Variants in PDCD6 observed in about 807,000 individuals in gnomAD.
The protein encoded by PDCD6 is programmed cell death protein 6.
In PDCD6, 12 loss-of-function variants were observed where a neutral mutation model predicts 28.3. The observed-to-expected ratio is 0.42, with a 90% confidence interval of 0.27 to 0.69. The LOEUF is 0.69. PDCD6 is among the 30% of genes least tolerant of loss of function. PDCD6 has a pLI of 0.22. For synonymous variants in PDCD6, 92 were observed against 108.0 expected, an observed-to-expected ratio of 0.85 and a Z score of 0.92; for missense variants, 226 against 269.9, an observed-to-expected ratio of 0.84 and a Z score of 1.14.
At chr5:283,165 C>A (rs56298907) in intron 2 of PDCD6, among the ~76,000 whole-genome samples, 19,644 of 149,274 alleles carry the variant, frequency 0.13, 1,346 homozygotes, top group Admixed American at 0.17. Context: ...CTTGTAGCTA[C>A]AGACCCATAG....
Position 306,593 on chromosome 5 carries a change from C to G in PDCD6, c.209-9C>G, listed in dbSNP as rs367898994. ...TCTTTTGCTGCTTGACCGTTCCTCTCTGTCTCAGCCATGTTTGACCGTGAG... is the reference window on the plus strand; with the variant it reads ...TCTTTTGCTGCTTGACCGTTCCTCTGTGTCTCAGCCATGTTTGACCGTGAG... On this transcript the variant is annotated splice_polypyrimidine_tract_variant and intron_variant, in intron 3 of 5. Transcript: ENST00000264933. The G allele has an allele frequency of 1.2e-6, 2 of 1,612,088 alleles. No homozygotes were observed. The highest frequency in any genetic ancestry group is 1.3e-5 in the African/African-American group (1 of 74,920).
At chr5:277,188 C>A (rs1295274264) in intron 2 of PDCD6, among the ~76,000 whole-genome samples, 2 of 152,132 alleles carry the variant, frequency 1.3e-5, no homozygotes, top group Non-Finnish European at 2.9e-5. Flanking sequence ...TGCAGTGGCA[C>A]GCTCTTGGCT....
rs1740450573 is a variant in PDCD6 at position 305,921 on chromosome 5, T to G, written c.209-681T>G. 1 of 153,174 alleles carries G rather than the reference T, an allele frequency of 6.5e-6. No individual in the cohort carries two copies. Among genetic ancestry groups the G allele is most frequent in the Non-Finnish European group, 1.5e-5 (1 of 68,698 alleles). The allele number at this position is 153,174 out of a possible 1,614,324, so 9.5% of individuals were successfully genotyped here. On this transcript the variant is annotated intron_variant, in intron 3 of 5. Coordinates refer to ENST00000264933, the MANE Select transcript of PDCD6 (RefSeq NM_013232.4). The surrounding 1 kb of genome is among the most constrained non-coding windows in gnomAD (Gnocchi z 4.0). Reference sequence around the variant, plus strand: ...GAGTAGTCTTATTGCAGTCCTGTATTAACCTCTGTTCTTGAAAAGAGACCA... The same window carrying G: ...GAGTAGTCTTATTGCAGTCCTGTATGAACCTCTGTTCTTGAAAAGAGACCA...
intron 2 of PDCD6, among the ~76,000 whole-genome samples, chr5:298,644 C>G (rs1400401189): frequency 2.5e-5 from 2 of 79,832 alleles, no homozygotes; most frequent in Non-Finnish European, 6.3e-5. Context: ...GCTGCTCCCC[C>G]CAGCTGCTCC....
intron 2 of PDCD6, among the ~76,000 whole-genome samples, chr5:282,162 T>C (rs2126698363): frequency 7.0e-6 from 1 of 143,802 alleles, no homozygotes; most frequent in East Asian, 2.2e-4. Flanking sequence ...GATTGAGGGT[T>C]CTGCAGCTGA....
In PDCD6 at chr5:284,073, G is replaced by A. The variant is rs574986149; in HGVS notation, c.163+11301G>A. ...AAAGTCTTTCAGCTGGATGTTCAGG[G>A]AGGAGCTGATGTTCTAGATTGAGGG... On this transcript the variant is annotated intron_variant, in intron 2 of 5. Transcript: ENST00000264933. Among the ~76,000 whole-genome samples the A allele has an allele frequency of 1.2e-4, 19 of 152,308 alleles. No individual in the cohort carries two copies. The South Asian group carries it at 3.3e-3, about 27-fold the overall frequency.
Position 271,719 on chromosome 5 carries a change from C to T in PDCD6, c.-2C>T. 4 of 1,532,142 alleles carry T rather than the reference C, an allele frequency of 2.6e-6. No homozygotes were observed. The highest frequency in any genetic ancestry group is 3.5e-6 in the Non-Finnish European group (4 of 1,141,260). The allele number at this position is 1,532,142 out of a possible 1,614,324, so 94.9% of individuals were successfully genotyped here. On this transcript the variant is annotated 5_prime_UTR_variant, in exon 1 of 6. Transcript: ENST00000264933. Reference sequence around the variant, plus strand: ...CCTCAGCCCAGCCGCGTGCCTTGGCCCATGGCCGCCTACTCTTACCGCCCC... The same window carrying T: ...CCTCAGCCCAGCCGCGTGCCTTGGCTCATGGCCGCCTACTCTTACCGCCCC...
intron 2 of PDCD6, among the ~76,000 whole-genome samples, chr5:292,780 C>T (rs773036140): frequency 7.9e-5 from 12 of 152,134 alleles, no homozygotes; most frequent in Non-Finnish European, 1.5e-4. Context: ...GTCTCTGAGT[C>T]GGGTGGGGAT....
rs367834188 is a variant in PDCD6, at chr5:271,774, A to G, written c.54A>G (p.Ala18=). The G allele has an allele frequency of 1.2e-5, 18 of 1,490,236 alleles. No homozygotes were observed. The African/African-American group carries it at 1.5e-4, about 12-fold the overall frequency. 92.3% of individuals were successfully genotyped at this position (1,490,236 alleles called of 1,614,324 possible). Residue 18 remains alanine (A), a synonymous_variant, in exon 1 of 6, where the codon GCA becomes GCG. Coordinates refer to ENST00000264933, the MANE Select transcript of PDCD6 (RefSeq NM_013232.4). ...CTGGGGCCGGCCCTGGGCCTGCTGC[A>G]GGCGCGGCGCTGCCGGACCAGAGCT... ...PGPGAGPGPA[A]GAALPDQSFL...
chr5:293,974 A>T (rs62345248), intron 2 of PDCD6, among the ~76,000 whole-genome samples: 1 of 96,618 alleles, frequency 1.0e-5, no homozygotes. Context: ...GAACAGCACG[A>T]GGCACTGGGA....
At chr5:284,930 T>C (rs1738848290) in intron 2 of PDCD6, among the ~76,000 whole-genome samples, 1 of 125,718 alleles carries the variant, frequency 8.0e-6, no homozygotes, top group Non-Finnish European at 1.6e-5. Flanking sequence ...GGGAGGAATA[T>C]CAAACTCGAA....
At chr5:292,493 A>G (rs1196166470) in intron 2 of PDCD6, among the ~76,000 whole-genome samples, 1 of 152,220 alleles carries the variant, frequency 6.6e-6, no homozygotes, top group Non-Finnish European at 1.5e-5. Flanking sequence ...TCCTGACCTC[A>G]GGTGATTCTC....
At chr5:298,491 C>T (rs1739759903) in intron 2 of PDCD6, among the ~76,000 whole-genome samples, 1 of 151,732 alleles carries the variant, frequency 6.6e-6, no homozygotes, top group African/African-American at 2.4e-5. Flanking sequence ...CTCCCCAGCT[C>T]CGTTCCAAGC....
chr5:290,697 T>C (rs1236239273), intron 2 of PDCD6, among the ~76,000 whole-genome samples: 2 of 152,256 alleles, frequency 1.3e-5, no homozygotes, highest in African/African-American at 4.8e-5. Context: ...GTTCTGGCAA[T>C]TGAGTCCGTT....
chr5:290,432 A>G, intron 2 of PDCD6: 1 of 655,054 alleles, frequency 1.5e-6, no homozygotes, highest in East Asian at 2.6e-5. Context: ...ACACTCCCGC[A>G]TGCAGGCCAA....
intron 2 of PDCD6, among the ~76,000 whole-genome samples, chr5:281,489 C>T (rs1253058472): frequency 6.6e-6 from 1 of 152,122 alleles, no homozygotes; most frequent in African/African-American, 2.4e-5. Flanking sequence ...TTTGGCTGTT[C>T]TGTGAGGGTC....
chr5:281,707 G>C (rs894116461), intron 2 of PDCD6, among the ~76,000 whole-genome samples: 1 of 152,102 alleles, frequency 6.6e-6, no homozygotes, highest in Non-Finnish European at 1.5e-5. Context: ...CTGAAGACTC[G>C]GGGAGGGGCT....
intron 2 of PDCD6, among the ~76,000 whole-genome samples, chr5:302,714 G>A (rs978777619): frequency 1.3e-5 from 2 of 150,234 alleles, no homozygotes; most frequent in Admixed American, 6.6e-5. Context: ...TGGGCCACGG[G>A]TTCAGGTGCA....
chr5:272,568 C>T (rs1737900316), intron 1 of PDCD6, 143 bp from the exon 2 acceptor site: 4 of 820,818 alleles, frequency 4.9e-6, no homozygotes, highest in East Asian at 2.7e-5. Flanking sequence ...TTCCTTGATT[C>T]CGCTGTACTC....
Sources: gnomAD v4.1 joint callset for allele counts (sites outside exome capture counted in the v4.1 genomes callset) on GRCh38, gnomAD v4.1.1 for gene constraint, Gnocchi (gnomAD v3.1) non-coding constraint, MANE v1.5 for transcripts, NCBI Gene and HGNC (gene_info 2026-07-23, HGNC 2026-07-21) for gene names.